Variants in TGM1 observed in about 807,000 individuals in gnomAD.
The protein encoded by TGM1 is protein-glutamine gamma-glutamyltransferase K.
In TGM1, 63 loss-of-function variants were observed where a neutral mutation model predicts 88.7. That is an observed-to-expected ratio of 0.71 (90% CI 0.58 to 0.88). The LOEUF (loss-of-function observed/expected upper bound fraction) is 0.88, where lower values mean the gene tolerates loss of function less well. TGM1 is among the 40% of genes least tolerant of loss of function. TGM1 has a pLI of 0.00. For missense variants in TGM1, 996 were observed against 1,118.0 expected (o/e 0.89, Z 1.56); for synonymous variants, 415 against 431.1 (o/e 0.96, Z 0.46).
In TGM1 at chr14:24,254,769, G is replaced by A; in HGVS notation, c.1983C>T (p.Asp661=). 1 of 1,614,020 alleles carries A rather than the reference G, an allele frequency of 6.2e-7. No homozygotes were observed. The highest frequency in any genetic ancestry group is 8.5e-7 in the Non-Finnish European group (1 of 1,180,020). The change falls in exon 13 of 15, where the codon GAC becomes GAT. Residue 661 remains aspartate, a synonymous_variant. Coordinates refer to ENST00000206765, the MANE Select transcript of TGM1 (RefSeq NM_000359.3). ...AGACATTGAGCAGCATGGCCCCCTGGTCCACAAGATGGGGCCGGTATTCCT... is the reference window on the plus strand; with the variant it reads ...AGACATTGAGCAGCATGGCCCCCTGATCCACAAGATGGGGCCGGTATTCCT... ...AYKEYRPHLV[D]QGAMLLNVSG...
intron 14 of TGM1, among the ~76,000 whole-genome samples, chr14:24,250,482 C>T (rs1001592306): frequency 3.3e-5 from 5 of 152,166 alleles, no homozygotes; most frequent in African/African-American, 1.2e-4. Context: ...CTGCTACTTG[C>T]ACAGCCTCAT....
rs760012789 is a variant in TGM1 at position 24,262,271 on chromosome 14, C to G, written c.82G>C (p.Glu28Gln). The change falls in exon 2 of 15, where the codon GAG becomes CAG. Residue 28 changes from glutamate (E) to glutamine (Q), a missense_variant. Glu to Gln is a conservative substitution (Grantham distance 29). Coordinates refer to ENST00000206765, the MANE Select transcript of TGM1 (RefSeq NM_000359.3). ...CGAGAGCGTCCGTCTGGCTCTGGCT[C>G]TGGCTCTGGAGATGGCGTGGTAGGG... is the stretch of plus-strand genomic sequence containing the variant. ...QPPTTPSPEP[E>Q]PEPDGRSRRG... The G allele has an allele frequency of 1.2e-6, 2 of 1,613,820 alleles. No individual in the cohort carries two copies. Among genetic ancestry groups the G allele is most frequent in the African/African-American group, 2.7e-5 (2 of 75,070 alleles).
Position 24,254,808 on chromosome 14 carries a change from C to A in TGM1, c.1944G>T (p.Met648Ile). The change falls in exon 13 of 15, where the codon ATG becomes ATT. Residue 648 changes from methionine (M) to isoleucine (I), a missense_variant. Coordinates refer to ENST00000206765, the MANE Select transcript of TGM1 (RefSeq NM_000359.3). ...LAPGASDRVTMPVAYKEYRPH... is the reference protein window; with the variant it reads ...LAPGASDRVTIPVAYKEYRPH... ...GCCGGTATTCCTTGTAGGCCACTGGCATGGTCACACGGTCCGCTGTGGAGA... is the reference window on the plus strand; with the variant it reads ...GCCGGTATTCCTTGTAGGCCACTGGAATGGTCACACGGTCCGCTGTGGAGA... 2 of 1,613,882 alleles carry A rather than the reference C, an allele frequency of 1.2e-6. No homozygotes were observed. Among genetic ancestry groups the A allele is most frequent in the Non-Finnish European group, 1.7e-6 (2 of 1,180,028 alleles).
intron 4 of TGM1, 158 bp from the exon 5 acceptor site, chr14:24,260,216 G>A (rs1174861020): frequency 8.6e-6 from 8 of 930,128 alleles, no homozygotes; most frequent in Non-Finnish European, 1.4e-5. Flanking sequence ...GAGCATGACA[G>A]ATGGTGGAGG....
intron 14 of TGM1, among the ~76,000 whole-genome samples, chr14:24,250,781 C>A (rs1418226137): frequency 6.6e-6 from 1 of 152,174 alleles, no homozygotes; most frequent in Non-Finnish European, 1.5e-5. Context: ...AACATGACTG[C>A]ATTTATATTG....
chr14:24,260,199 A>T (rs2040796391), intron 4 of TGM1, 141 bp from the exon 5 acceptor site: 1 of 952,646 alleles, frequency 1.0e-6, no homozygotes, highest in Non-Finnish European at 1.7e-6. Context: ...CTGTGGGAGG[A>T]CACGGGGAGC....
In TGM1 at chr14:24,255,181, C is replaced by T. The variant is rs1385127973; in HGVS notation, c.1718G>A (p.Arg573Gln). 9 of 1,613,918 alleles carry T rather than the reference C, an allele frequency of 5.6e-6. No individual in the cohort carries two copies. Among genetic ancestry groups the T allele is most frequent in the South Asian group, 3.3e-5 (3 of 91,084 alleles). Residue 573 changes from arginine (R) to glutamine (Q), a missense_variant, in exon 12 of 15, where the codon CGG becomes CAG. By Grantham distance (43) the Arg-to-Gln change is conservative. Transcript: ENST00000206765. This position sits in a 1 kb window ranked among gnomAD's most constrained non-coding sequence, Gnocchi z 4.0. Reference sequence around the variant, plus strand: ...CATGGCCACATCCTCCGCTGAGCCCCGGTTGGCATACACATTGGGTTTGCT... The same window carrying T: ...CATGGCCACATCCTCCGCTGAGCCCTGGTTGGCATACACATTGGGTTTGCT... ...HGSKPNVYAN[R>Q]GSAEDVAMQV...
chr14:24,249,222 G>A lies in TGM1; in HGVS notation c.*91C>T. The stretch of plus-strand genomic sequence containing the variant: ...TCCGGGAGCCCTGGACTCCCCACCT[G>A]AGCTCCTGGGGAGCTGCTCTGTAGT... On this transcript the variant is annotated 3_prime_UTR_variant, in exon 15 of 15. Transcript: ENST00000206765. The A allele has an allele frequency of 8.8e-7, 1 of 1,134,916 alleles. No individual in the cohort carries two copies. The highest frequency in any genetic ancestry group is 1.3e-6 in the Non-Finnish European group (1 of 763,556). 70.3% of individuals were successfully genotyped at this position (1,134,916 alleles called of 1,614,324 possible). A position where few individuals can be genotyped will look rare whatever the true frequency, so the allele number is the denominator to read the frequency against.
Position 24,255,176 on chromosome 14 carries a change from A to G in TGM1, c.1723T>C (p.Ser575Pro), listed in dbSNP as rs1473488214. The change falls in exon 12 of 15, where the codon TCA becomes CCA. Residue 575 changes from serine to proline, a missense_variant. Physicochemically the swap from Ser to Pro is moderately conservative, Grantham distance 74. Transcript: ENST00000206765. This position sits in a 1 kb window ranked among gnomAD's most constrained non-coding sequence, Gnocchi z 4.0. ...SKPNVYANRGSAEDVAMQVEA... is the reference protein window; with the variant it reads ...SKPNVYANRGPAEDVAMQVEA... The stretch of plus-strand genomic sequence containing the variant: ...ACCTGCATGGCCACATCCTCCGCTG[A>G]GCCCCGGTTGGCATACACATTGGGT... The G allele has an allele frequency of 2.5e-6, 4 of 1,613,852 alleles. No individual in the cohort carries two copies. Among genetic ancestry groups the G allele is most frequent in the Non-Finnish European group, 3.4e-6 (4 of 1,180,020 alleles).
At chr14:24,261,448 CCTGAAGAGGAGTACT>C (rs2040807805) in intron 3 of TGM1, among the ~76,000 whole-genome samples, 1 of 152,044 alleles carries the variant, frequency 6.6e-6, no homozygotes, top group Non-Finnish European at 1.5e-5. Flanking sequence ...CGAGGCAGGC[CCTGAAGAGGAGTACT>C]CTGAGACCGA....
At position 24,254,198 on chromosome 14, in the gene TGM1, G is replaced by A. The variant is rs369781501; in HGVS notation, c.2179C>T (p.Arg727Trp). ...CTCTGTAACCCAGAGCCTTCGAGCCGGAAGACGACATTGGTGAGGGTGACG... is the reference window on the plus strand; with the variant it reads ...CTCTGTAACCCAGAGCCTTCGAGCCAGAAGACGACATTGGTGAGGGTGACG... ...LPVTLTNVVF[R>W]LEGSGLQRPK... is the part of the protein sequence containing the mutation. Residue 727 changes from arginine (R) to tryptophan (W), a missense_variant, in exon 14 of 15, where the codon CGG (arginine) becomes TGG (tryptophan). Coordinates refer to ENST00000206765, the MANE Select transcript of TGM1 (RefSeq NM_000359.3). 5.6e-6 allele frequency: 9 copies of A among 1,613,774 alleles called. No individual in the cohort carries two copies. Among genetic ancestry groups the A allele is most frequent in the East Asian group, 2.2e-5 (1 of 44,870 alleles).
intron 4 of TGM1, 134 bp from the exon 5 acceptor site, chr14:24,260,192 T>C (rs937249269): frequency 1.4e-5 from 14 of 976,592 alleles, no homozygotes; most frequent in Middle Eastern, 2.1e-4. Flanking sequence ...AGGACTGCTG[T>C]GGGAGGACAC....
intron 3 of TGM1, 120 bp from the exon 4 acceptor site, chr14:24,260,818 G>A: frequency 7.4e-7 from 1 of 1,342,894 alleles, no homozygotes; most frequent in Non-Finnish European, 1.0e-6. Flanking sequence ...CCCTACGTTG[G>A]GCCATCACCT....
chr14:24,253,021 A>C (rs1404731683), intron 14 of TGM1, among the ~76,000 whole-genome samples: 1 of 152,210 alleles, frequency 6.6e-6, no homozygotes, highest in Non-Finnish European at 1.5e-5. Context: ...GATCAGGCCC[A>C]GACGGGCTGG....
At chr14:24,257,897 T>C (rs908307327) in intron 9 of TGM1, among the ~76,000 whole-genome samples, 3 of 152,196 alleles carry the variant, frequency 2.0e-5, no homozygotes, top group East Asian at 1.9e-4. Flanking sequence ...CTTCCAAGCA[T>C]GTATTACTTA....
At position 24,259,398 on chromosome 14, in the gene TGM1, A is replaced by G; in HGVS notation, c.985-149T>C. 1 of 825,328 alleles carries G rather than the reference A, an allele frequency of 1.2e-6. No homozygotes were observed. Among genetic ancestry groups the G allele is most frequent in the South Asian group, 1.5e-5 (1 of 68,026 alleles). 51.1% of individuals were successfully genotyped at this position (825,328 alleles called of 1,614,324 possible). On this transcript the variant is annotated intron_variant, in intron 6 of 14. Transcript: ENST00000206765. The surrounding 1 kb of genome is among the most constrained non-coding windows in gnomAD (Gnocchi z 5.7). Reference sequence around the variant, plus strand: ...CCAGACACCAGCCTGAGCTCCACCCAGCCCTTCCCTCAGCCATCTGCCCCC... The same window carrying G: ...CCAGACACCAGCCTGAGCTCCACCCGGCCCTTCCCTCAGCCATCTGCCCCC...
rs2040689345 is a variant in TGM1, at chr14:24,250,170, G to GTA, written c.2226-630_2226-629insTA. Among the ~76,000 whole-genome samples, 3 of 56,804 alleles carry GTA rather than the reference G, an allele frequency of 5.3e-5. No homozygotes were observed. In the Admixed American group the frequency reaches 7.0e-4, roughly 13 times the overall value. The allele number at this position is 56,804 out of a possible 152,430, so 37.3% of individuals were successfully genotyped here. Reference sequence around the variant, plus strand: ...TCTCTGTGTGTGTGTGTGTGTGTGTGTGTGTGTGTGAGAGAGACAGAGAGG... The same window carrying GTA: ...TCTCTGTGTGTGTGTGTGTGTGTGTGTATGTGTGTGTGAGAGAGACAGAGAGG... On this transcript the variant is annotated intron_variant, in intron 14 of 14. Coordinates refer to ENST00000206765, the MANE Select transcript of TGM1 (RefSeq NM_000359.3).
At position 24,249,649 on chromosome 14, in the gene TGM1, G is replaced by A; in HGVS notation, c.2226-108C>T. 4 of 1,012,928 alleles carry A rather than the reference G, an allele frequency of 3.9e-6. No homozygotes were observed. The South Asian group carries it at 5.5e-5, about 14-fold the overall frequency. The allele number at this position is 1,012,928 out of a possible 1,614,324, so 62.7% of individuals were successfully genotyped here. ...AAGAAGCAGGAGGTGGACCCATTCAGACAATTCCAGGCTTACCTGAAATTT... is the reference window on the plus strand; with the variant it reads ...AAGAAGCAGGAGGTGGACCCATTCAAACAATTCCAGGCTTACCTGAAATTT... On this transcript the variant is annotated intron_variant, in intron 14 of 14. Coordinates refer to ENST00000206765, the MANE Select transcript of TGM1 (RefSeq NM_000359.3).
rs774734278 is a variant in TGM1, at chr14:24,254,305, C to T, written c.2089-17G>A. 1.9e-6 allele frequency: 3 copies of T among 1,613,962 alleles called. No homozygotes were observed. The highest frequency in any genetic ancestry group is 2.5e-6 in the Non-Finnish European group (3 of 1,179,990). ...TCCCAGTAACTGAGAGAAAAAGAGG[C>T]CCATCCCCCACGTCAGAGACCCTGG... is the stretch of plus-strand genomic sequence containing the variant. On this transcript the variant is annotated splice_polypyrimidine_tract_variant and intron_variant, in intron 13 of 14. Coordinates refer to ENST00000206765, the MANE Select transcript of TGM1 (RefSeq NM_000359.3).
Sources: gnomAD v4.1 joint callset for allele counts (sites outside exome capture counted in the v4.1 genomes callset) on GRCh38, gnomAD v4.1.1 for gene constraint, Gnocchi (gnomAD v3.1) non-coding constraint, MANE v1.5 for transcripts, NCBI Gene and HGNC (gene_info 2026-07-23, HGNC 2026-07-21) for gene names.